The following ATG7 variants were observed in gnomAD, a reference collection of about 807,000 sequenced individuals.
ATG7 encodes the protein autophagy related 7, also known as ubiquitin-like modifier-activating enzyme ATG7.
A neutral mutation model predicts 82.4 loss-of-function variants in ATG7; 70 were observed. The ratio of observed to expected loss-of-function variants is 0.85; its 90% CI spans 0.70 to 1.04. ATG7 has a LOEUF of 1.04. Ranked by LOEUF, ATG7 falls within the 50% of genes least tolerant of loss-of-function variation. ATG7 has a pLI of 0.00. For missense variants in ATG7, 792 were observed against 864.3 expected, an observed-to-expected ratio of 0.92 and a Z score of 1.05; for synonymous variants, 287 against 313.0, an observed-to-expected ratio of 0.92 and a Z score of 0.88.
At chr3:11,286,171 T>A (rs1235401331) in intron 3 of ATG7, among the ~76,000 whole-genome samples, 1 of 152,244 alleles carries the variant, frequency 6.6e-6, no homozygotes, top group Non-Finnish European at 1.5e-5. Flanking sequence ...ACGTTGCTGC[T>A]GGTGTTAACT....
intron 19 of ATG7, among the ~76,000 whole-genome samples, chr3:11,392,609 C>G (rs564387226): frequency 6.6e-6 from 1 of 152,296 alleles, no homozygotes; most frequent in South Asian, 2.1e-4. Context: ...CTGTAGCTTC[C>G]TGTGGTTTTC....
At chr3:11,484,244 A>G (rs564319386) in intron 20 of ATG7, among the ~76,000 whole-genome samples, 3 of 152,266 alleles carry the variant, frequency 2.0e-5, no homozygotes, top group Non-Finnish European at 4.4e-5. Flanking sequence ...AAACACAAAA[A>G]TCAGCCAGGT....
the ATG7 span, among the ~76,000 whole-genome samples, chr3:11,566,898 G>C: frequency 6.6e-6 from 1 of 152,188 alleles, no homozygotes; most frequent in African/African-American, 2.4e-5. Context: ...GGTGAATGAA[G>C]AGAAGCAGCA....
intron 20 of ATG7, among the ~76,000 whole-genome samples, chr3:11,545,339 C>T (rs2071185315): frequency 2.6e-5 from 4 of 152,210 alleles, no homozygotes; most frequent in Admixed American, 2.6e-4. Flanking sequence ...GTGCCAGAGG[C>T]TTATGGACAC....
At chr3:11,355,178 A>T (rs1216329066) in intron 14 of ATG7, among the ~76,000 whole-genome samples, 1 of 152,234 alleles carries the variant, frequency 6.6e-6, no homozygotes, top group Non-Finnish European at 1.5e-5. Context: ...AGCTATGAGC[A>T]GAATGGAGAT....
the ATG7 span, among the ~76,000 whole-genome samples, chr3:11,572,960 G>T: frequency 6.6e-6 from 1 of 152,142 alleles, no homozygotes; most frequent in East Asian, 1.9e-4. Context: ...CTGAGGTCAG[G>T]AGTTTGAGAC....
intron 14 of ATG7, among the ~76,000 whole-genome samples, chr3:11,350,663 C>G (rs552346405): frequency 5.3e-5 from 8 of 152,286 alleles, no homozygotes; most frequent in African/African-American, 1.7e-4. Context: ...AAGCGAGTCA[C>G]AGGACCAAGC....
chr3:11,447,819 G>A (rs187161445), intron 20 of ATG7, among the ~76,000 whole-genome samples: 1 of 152,314 alleles, frequency 6.6e-6, no homozygotes, highest in Non-Finnish European at 1.5e-5. Flanking sequence ...GGCCAGCCTG[G>A]GCCAGGGGCA....
intron 20 of ATG7, among the ~76,000 whole-genome samples, chr3:11,493,912 T>C (rs528938337): frequency 1.3e-5 from 2 of 152,284 alleles, no homozygotes; most frequent in South Asian, 4.1e-4. Flanking sequence ...TTAAAACTAC[T>C]GAGGGGTATT....
the ATG7 span, among the ~76,000 whole-genome samples, chr3:11,567,441 A>T: frequency 1.6e-4 from 25 of 152,252 alleles, no homozygotes; most frequent in African/African-American, 5.8e-4. Context: ...GCAATTAAGG[A>T]TTAAATGTTC....
intron 19 of ATG7, among the ~76,000 whole-genome samples, chr3:11,409,243 C>T (rs1288999019): frequency 6.6e-6 from 1 of 152,166 alleles, no homozygotes; most frequent in Non-Finnish European, 1.5e-5. Flanking sequence ...GAGTAATAGG[C>T]ATTCATTAGA....
At chr3:11,400,055 T>G (rs965258702) in intron 19 of ATG7, among the ~76,000 whole-genome samples, 4 of 152,240 alleles carry the variant, frequency 2.6e-5, no homozygotes, top group African/African-American at 9.6e-5. Flanking sequence ...GCATGTATGC[T>G]TCTGCTGGCA....
intron 20 of ATG7, among the ~76,000 whole-genome samples, chr3:11,475,061 G>A (rs2454489): frequency 0.21 from 31,535 of 151,288 alleles, 3,714 homozygotes; most frequent in South Asian, 0.35. Context: ...TGGCCACTGT[G>A]TGGGGAATGG....
intron 19 of ATG7, among the ~76,000 whole-genome samples, chr3:11,397,352 C>A (rs767285061): frequency 7.0e-6 from 1 of 141,962 alleles, no homozygotes. Flanking sequence ...AATACAATTA[C>A]TTTATAATAA....
At chr3:11,531,887 AAG>A (rs1266825819) in intron 20 of ATG7, among the ~76,000 whole-genome samples, 2 of 151,402 alleles carry the variant, frequency 1.3e-5, no homozygotes, top group Admixed American at 6.6e-5. Context: ...AAAAAAAAAA[AAG>A]TCTAATAACA....
At position 11,456,874 on chromosome 3, in the gene ATG7, G is replaced by A. The variant is rs567799061; in HGVS notation, c.2079+29948G>A. ...CCTCTCTGAGGCCCCAGTATTGGAG[G>A]CTACTGGATGTGTAAGTAGTTGGTA... On this transcript the variant is annotated intron_variant, in intron 20 of 20. Coordinates refer to ENST00000693202, the MANE Select transcript of ATG7 (RefSeq NM_001349232.2). Among the ~76,000 whole-genome samples the A allele has an allele frequency of 1.1e-3, 162 of 152,166 alleles. 1 individual carries two copies. Among genetic ancestry groups the A allele is most frequent in the Non-Finnish European group, 1.8e-3 (123 of 68,042 alleles).
intron 19 of ATG7, among the ~76,000 whole-genome samples, chr3:11,382,391 A>T (rs2077974598): frequency 6.6e-6 from 1 of 152,256 alleles, no homozygotes. Flanking sequence ...AAGTTGGAAC[A>T]TTTATCCATA....
intron 14 of ATG7, 176 bp downstream of exon 14, chr3:11,348,211 C>T (rs978464048): frequency 6.0e-5 from 52 of 860,358 alleles, no homozygotes; most frequent in Middle Eastern, 3.7e-4. Context: ...AAAACACAAC[C>T]AGGTCAGGCA....
At chr3:11,490,654 T>C (rs961130358) in intron 20 of ATG7, among the ~76,000 whole-genome samples, 8 of 152,172 alleles carry the variant, frequency 5.3e-5, no homozygotes, top group Non-Finnish European at 8.8e-5. Context: ...GGAGCTCTTT[T>C]AGGGCAGGCC....
Sources: gnomAD v4.1 joint callset for allele counts (sites outside exome capture counted in the v4.1 genomes callset) on GRCh38, gnomAD v4.1.1 for gene constraint, MANE v1.5 for transcripts, NCBI Gene and HGNC (gene_info 2026-07-23, HGNC 2026-07-21) for gene names.